SYT1: variants seen among roughly 807,000 people sequenced by gnomAD.
SYT1 encodes the protein synaptotagmin-1.
In SYT1, 8 loss-of-function variants were observed where a neutral mutation model predicts 44.8. The ratio of observed to expected loss-of-function variants is 0.18; its 90% confidence interval spans 0.10 to 0.32. The LOEUF (loss-of-function observed/expected upper bound fraction) is 0.32, where lower values mean the gene tolerates loss of function less well. Ranked by LOEUF, SYT1 falls within the 10% of genes least tolerant of loss-of-function variation. The pLI, the probability that SYT1 is intolerant of heterozygous loss-of-function variation, is 1.00. For missense variants in SYT1, 286 were observed against 509.3 expected (o/e 0.56, Z 4.22); for synonymous variants, 154 against 188.8 (o/e 0.82, Z 1.51).
intron 3 of SYT1, among the ~76,000 whole-genome samples, chr12:79,074,947 A>T (rs1876540239): frequency 6.6e-6 from 1 of 152,170 alleles, no homozygotes; most frequent in Admixed American, 6.6e-5. Flanking sequence ...CAGTAGGAAT[A>T]TAACCAAAAA....
chr12:79,298,304 C>T lies in SYT1; in HGVS notation c.643-1080C>T, dbSNP rs530482912. On this transcript the variant is annotated intron_variant, in intron 7 of 10. Transcript: ENST00000261205. ...TAAAATGGAAAAAGGATGATGCTTACTTTTTAATCATATCATTTTAATAAA... is the reference window on the plus strand; with the variant it reads ...TAAAATGGAAAAAGGATGATGCTTATTTTTTAATCATATCATTTTAATAAA... Among the ~76,000 whole-genome samples, 231 of 152,174 alleles carry T rather than the reference C, an allele frequency of 1.5e-3. 1 individual carries two copies. Among genetic ancestry groups the T allele is most frequent in the Non-Finnish European group, 2.4e-3 (161 of 67,972 alleles).
At chr12:79,043,096 T>C (rs1488978446) in intron 2 of SYT1, among the ~76,000 whole-genome samples, 6 of 150,550 alleles carry the variant, frequency 4.0e-5, no homozygotes, top group African/African-American at 1.5e-4. Flanking sequence ...AAAAAATGTA[T>C]ATTCTGTTGA....
intron 2 of SYT1, among the ~76,000 whole-genome samples, chr12:79,014,122 C>CAAAAAAAAA (rs1358787041): frequency 2.5e-4 from 10 of 39,670 alleles, no homozygotes; most frequent in South Asian, 8.8e-4. Context: ...AGACTCTCTC[C>CAAAAAAAAA]AAAAAAAAAA....
At chr12:79,372,283 G>A (rs1033562612) in intron 9 of SYT1, among the ~76,000 whole-genome samples, 18 of 152,116 alleles carry the variant, frequency 1.2e-4, no homozygotes, top group Admixed American at 9.8e-4. Flanking sequence ...TTAATCCCCA[G>A]TGTTTAACAT....
chr12:79,069,468 C>T (rs954625608), intron 3 of SYT1, among the ~76,000 whole-genome samples: 4 of 151,688 alleles, frequency 2.6e-5, no homozygotes, highest in African/African-American at 4.8e-5. Context: ...TTTGTCTATA[C>T]ATGTTTCTAT....
chr12:78,903,676 T>C (rs1875794138), intron 1 of SYT1, among the ~76,000 whole-genome samples: 1 of 152,108 alleles, frequency 6.6e-6, no homozygotes, highest in South Asian at 2.1e-4. Context: ...TATAAAAAGG[T>C]TTTCTTTATT....
intron 9 of SYT1, among the ~76,000 whole-genome samples, chr12:79,364,522 C>T (rs1338015998): frequency 1.3e-5 from 2 of 152,058 alleles, no homozygotes; most frequent in Non-Finnish European, 2.9e-5. Flanking sequence ...TTACTAATGG[C>T]CTAAATTTTG....
At chr12:79,115,657 C>T (rs554175939) in intron 3 of SYT1, among the ~76,000 whole-genome samples, 2 of 152,250 alleles carry the variant, frequency 1.3e-5, no homozygotes, top group African/African-American at 4.8e-5. Context: ...CCACAGAAAC[C>T]ATAAAGTAAG....
At chr12:79,427,676 T>C (rs1417238596) in intron 9 of SYT1, among the ~76,000 whole-genome samples, 2 of 152,150 alleles carry the variant, frequency 1.3e-5, no homozygotes, top group Non-Finnish European at 2.9e-5. Flanking sequence ...ATGTTGGAGC[T>C]GAGCTTAATT....
chr12:79,207,865 C>G (rs2059209343), intron 3 of SYT1, among the ~76,000 whole-genome samples: 1 of 152,134 alleles, frequency 6.6e-6, no homozygotes, highest in Admixed American at 6.5e-5. Flanking sequence ...GGAATGAACA[C>G]TGGAGAATCT....
chr12:79,022,564 C>CA (rs1323808680), intron 2 of SYT1, among the ~76,000 whole-genome samples: 3 of 151,486 alleles, frequency 2.0e-5, no homozygotes, highest in South Asian at 2.1e-4. Flanking sequence ...TTTGCAGATA[C>CA]AAAAAATAAT....
At chr12:79,300,786 T>C (rs1209095381) in intron 8 of SYT1, among the ~76,000 whole-genome samples, 2 of 106,662 alleles carry the variant, frequency 1.9e-5, no homozygotes, top group African/African-American at 7.5e-5. Flanking sequence ...TCATGTATAC[T>C]TATTATATAT....
chr12:78,919,378 G>T (rs1381900206), intron 1 of SYT1, among the ~76,000 whole-genome samples: 3 of 152,012 alleles, frequency 2.0e-5, no homozygotes, highest in Non-Finnish European at 4.4e-5. Context: ...TGAGACCAGG[G>T]AGCTGAACAC....
intron 9 of SYT1, among the ~76,000 whole-genome samples, chr12:79,384,466 G>C (rs1284644681): frequency 6.6e-6 from 1 of 152,156 alleles, no homozygotes; most frequent in African/African-American, 2.4e-5. Flanking sequence ...CACGTAATCA[G>C]AGTGGCTGTA....
chr12:78,972,330 C>G (rs1276780454), intron 1 of SYT1, among the ~76,000 whole-genome samples: 1 of 152,002 alleles, frequency 6.6e-6, no homozygotes, highest in Non-Finnish European at 1.5e-5. Context: ...TAAGGTAATG[C>G]ATCATAAACT....
At chr12:79,198,792 G>A (rs1221853969) in intron 3 of SYT1, among the ~76,000 whole-genome samples, 1 of 152,130 alleles carries the variant, frequency 6.6e-6, no homozygotes, top group African/African-American at 2.4e-5. Context: ...TTGCTATAAA[G>A]CTTTTCTTTC....
At chr12:79,000,707 G>T (rs998994200) in intron 2 of SYT1, among the ~76,000 whole-genome samples, 3 of 152,108 alleles carry the variant, frequency 2.0e-5, no homozygotes, top group African/African-American at 7.2e-5. Context: ...ATTTCCTAAT[G>T]GTGCCTTAGT....
At chr12:79,411,551 G>T (rs997885019) in intron 9 of SYT1, among the ~76,000 whole-genome samples, 1 of 151,954 alleles carries the variant, frequency 6.6e-6, no homozygotes, top group Admixed American at 6.6e-5. Context: ...AGCTTTCCAT[G>T]CATATTCATA....
intron 3 of SYT1, among the ~76,000 whole-genome samples, chr12:79,166,975 A>T (rs1047247143): frequency 6.6e-6 from 1 of 152,100 alleles, no homozygotes; most frequent in Non-Finnish European, 1.5e-5. Context: ...ACAAAATGAG[A>T]TCTATAATGA....
Sources: gnomAD v4.1 joint callset for allele counts (sites outside exome capture counted in the v4.1 genomes callset) on GRCh38, gnomAD v4.1.1 for gene constraint, MANE v1.5 for transcripts, NCBI Gene and HGNC (gene_info 2026-07-23, HGNC 2026-07-21) for gene names.